AKT2: variants seen among roughly 807,000 people sequenced by gnomAD.
The protein encoded by AKT2 is RAC-beta serine/threonine-protein kinase.
Under a neutral mutation model 58.6 loss-of-function variants are expected in AKT2, and 16 were observed. The ratio of observed to expected loss-of-function variants is 0.27; its 90% CI spans 0.18 to 0.41. The LOEUF is 0.41. Ranked by LOEUF, AKT2 falls within the 10% of genes least tolerant of loss-of-function variation. The probability of loss-of-function intolerance (pLI) is 1.00; values close to 1 mark genes in which losing one functional copy is unlikely to be tolerated. For synonymous variants in AKT2, 253 were observed against 254.0 expected (o/e 1.00, Z 0.04); for missense variants, 438 against 661.0 (o/e 0.66, Z 3.70).
At position 40,238,850 on chromosome 19, in the gene AKT2, C is replaced by T. The variant is rs1233931778; in HGVS notation, c.708+55G>A. 3.2e-6 allele frequency: 5 copies of T among 1,573,668 alleles called. No individual in the cohort carries two copies. Among genetic ancestry groups the T allele is most frequent in the East Asian group, 2.2e-5 (1 of 44,662 alleles). On this transcript the variant is annotated intron_variant, in intron 8 of 13. Coordinates refer to ENST00000392038, the MANE Select transcript of AKT2 (RefSeq NM_001626.6). This position sits in a 1 kb window ranked among gnomAD's most constrained non-coding sequence, Gnocchi z 5.1. ...TCACCCACAGCTCCTCTCCATCCCG[C>T]CCCACCCTAAAGAAGGAGGCCCCAG...
rs748020683 is a variant in AKT2 at position 40,233,993 on chromosome 19, G to A, written c.1367-42C>T. The A allele has an allele frequency of 2.5e-6, 4 of 1,595,368 alleles. No homozygotes were observed. Among genetic ancestry groups the A allele is most frequent in the Non-Finnish European group, 3.4e-6 (4 of 1,172,870 alleles). ...TGGATGGGGAGGACCAGTCAGGAGA[G>A]GGCCTGGGACACCTGCCCAGACTCC... On this transcript the variant is annotated intron_variant, in intron 13 of 13. Coordinates refer to ENST00000392038, the MANE Select transcript of AKT2 (RefSeq NM_001626.6). The surrounding 1 kb of genome is among the most constrained non-coding windows in gnomAD (Gnocchi z 4.3).
intron 4 of AKT2, among the ~76,000 whole-genome samples, chr19:40,244,772 A>G (rs1974644320): frequency 6.6e-6 from 1 of 152,214 alleles, no homozygotes; most frequent in Admixed American, 6.5e-5. Flanking sequence ...CCCCAGGGCA[A>G]GTGTCACTGC....
At chr19:40,261,357 AC>A (rs1975934431) in intron 2 of AKT2, among the ~76,000 whole-genome samples, 1 of 151,976 alleles carries the variant, frequency 6.6e-6, no homozygotes, top group East Asian at 1.9e-4. Context: ...ACATGGTGAA[AC>A]CCCATCTCTA....
intron 1 of AKT2, chr19:40,269,547 A>C (rs1391280345): frequency 1.3e-5 from 2 of 152,196 alleles, no homozygotes; most frequent in African/African-American, 2.4e-5. Flanking sequence ...AAAACTGTTA[A>C]GCAGTCAAAA....
At position 40,268,260 on chromosome 19, in the gene AKT2, C is replaced by A. The variant is rs537525529; in HGVS notation, c.-84-2909G>T. The stretch of plus-strand genomic sequence containing the variant: ...CATCTCCCCTCTCGCTGGCCCACAG[C>A]GGCCCAGGGACATCGCCTCTCAGGG... On this transcript the variant is annotated intron_variant, in intron 1 of 13. Coordinates refer to ENST00000392038, the MANE Select transcript of AKT2 (RefSeq NM_001626.6). 2.0e-5 allele frequency among the ~76,000 whole-genome samples: 3 copies of A among 152,350 alleles called. No individual in the cohort carries two copies. In the South Asian group the frequency reaches 6.2e-4, roughly 32 times the overall value.
intron 2 of AKT2, among the ~76,000 whole-genome samples, chr19:40,264,123 G>A (rs145580776): frequency 2.0e-5 from 3 of 152,256 alleles, no homozygotes; most frequent in African/African-American, 4.8e-5. Flanking sequence ...CTAGAACAGC[G>A]CCTGGCCCAC....
At chr19:40,275,553 G>A (rs973968559) in intron 1 of AKT2, 1 of 351,928 alleles carries the variant, frequency 2.8e-6, no homozygotes, top group South Asian at 2.1e-5. Context: ...CAGCGAGTAG[G>A]TGCAGGAGAG....
chr19:40,283,248 C>T (rs2077455429), intron 1 of AKT2: 1 of 152,282 alleles, frequency 6.6e-6, no homozygotes, highest in South Asian at 2.1e-4. Context: ...GCAAGTTTAT[C>T]TATATGAAGC....
intron 6 of AKT2, 36 bp downstream of exon 6, chr19:40,241,900 CCA>C (rs772130132): frequency 6.2e-7 from 1 of 1,613,336 alleles, no homozygotes; most frequent in South Asian, 1.1e-5. Context: ...ACCGCAGCCC[CCA>C]CAGAGGCTCG....
chr19:40,271,933 C>G (rs995988672), intron 1 of AKT2, among the ~76,000 whole-genome samples: 1 of 152,194 alleles, frequency 6.6e-6, no homozygotes, highest in East Asian at 1.9e-4. Context: ...GTATGTACTG[C>G]TGAAATAGGG....
chr19:40,265,578 C>T (rs1352654286), intron 1 of AKT2: 7 of 535,186 alleles, frequency 1.3e-5, no homozygotes, highest in Admixed American at 3.3e-5. Context: ...CCGGCCTAAG[C>T]GCAGGCCAGA....
At position 40,230,454 on chromosome 19, in the gene AKT2, T is replaced by TC. The variant is rs1156448928; in HGVS notation, c.*3417dup. On this transcript the variant is annotated 3_prime_UTR_variant, in exon 14 of 14. Coordinates refer to ENST00000392038, the MANE Select transcript of AKT2 (RefSeq NM_001626.6). ...CAGGAAGCAGCTGGAAAGCCTGAGT[T>TC]CCCCCCATGCAGCAGCTAAAAGGGA... is the stretch of plus-strand genomic sequence containing the variant. 1 of 225,948 alleles carries TC rather than the reference T, an allele frequency of 4.4e-6. No individual in the cohort carries two copies. The highest frequency in any genetic ancestry group is 8.8e-6 in the Non-Finnish European group (1 of 113,720). 14.0% of individuals were successfully genotyped at this position (225,948 alleles called of 1,614,324 possible).
In AKT2 at chr19:40,238,166, C is replaced by A. The variant is rs767240171; in HGVS notation, c.709-75G>T. ...CTGCCCTCACCTTCCCAGCCCCCTG[C>A]CCCAGCGCAGTGATGTGGTGACACC... On this transcript the variant is annotated intron_variant, in intron 8 of 13. Transcript: ENST00000392038. This position sits in a 1 kb window ranked among gnomAD's most constrained non-coding sequence, Gnocchi z 5.1. The A allele has an allele frequency of 9.8e-6, 15 of 1,535,964 alleles. No individual in the cohort carries two copies. The highest frequency in any genetic ancestry group is 1.2e-5 in the Non-Finnish European group (14 of 1,138,292).
chr19:40,255,309 T>A, intron 3 of AKT2, 40 bp from the exon 4 acceptor site: 1 of 1,529,538 alleles, frequency 6.5e-7, no homozygotes, highest in Non-Finnish European at 9.1e-7. Flanking sequence ...GCTGAGGGGA[T>A]AGCCCTGCTA....
intron 1 of AKT2, among the ~76,000 whole-genome samples, chr19:40,268,162 A>G (rs1431568174): frequency 6.6e-6 from 1 of 152,132 alleles, no homozygotes; most frequent in East Asian, 1.9e-4. Flanking sequence ...TACTTCCCAA[A>G]TGGCTGGGAG....
chr19:40,255,833 T>C (rs1349915483), intron 3 of AKT2, among the ~76,000 whole-genome samples: 3 of 152,016 alleles, frequency 2.0e-5, no homozygotes, highest in Non-Finnish European at 4.4e-5. Context: ...AGGCTTTAGA[T>C]AGGGAAGAGA....
rs1056204374 is a variant in AKT2 at position 40,232,411 on chromosome 19, T to C, written c.*1461A>G. 4 of 233,514 alleles carry C rather than the reference T, an allele frequency of 1.7e-5. No homozygotes were observed. Among genetic ancestry groups the C allele is most frequent in the Non-Finnish European group, 3.4e-5 (4 of 118,166 alleles). The allele number at this position is 233,514 out of a possible 1,614,324, so 14.5% of individuals were successfully genotyped here. A position where few individuals can be genotyped will look rare whatever the true frequency, so the allele number is the denominator to read the frequency against. On this transcript the variant is annotated 3_prime_UTR_variant, in exon 14 of 14. Transcript: ENST00000392038. Reference sequence around the variant, plus strand: ...AAAGGCCAGTAGGGACGGAGAACTGTCAGATAACAACATCGCACACAGAGG... The same window carrying C: ...AAAGGCCAGTAGGGACGGAGAACTGCCAGATAACAACATCGCACACAGAGG...
In AKT2 at chr19:40,238,224, G is replaced by A. The variant is rs371310304; in HGVS notation, c.709-133C>T. ...TGAACCAGCAAGTGACAGCTAGAGG[G>A]ACCAATCAAGGCAGAGCGCAGAAGC... On this transcript the variant is annotated intron_variant, in intron 8 of 13. Coordinates refer to ENST00000392038, the MANE Select transcript of AKT2 (RefSeq NM_001626.6). This position sits in a 1 kb window ranked among gnomAD's most constrained non-coding sequence, Gnocchi z 5.1. 1 of 1,244,896 alleles carries A rather than the reference G, an allele frequency of 8.0e-7. No individual in the cohort carries two copies. Among genetic ancestry groups the A allele is most frequent in the Non-Finnish European group, 1.1e-6 (1 of 891,244 alleles). The allele number at this position is 1,244,896 out of a possible 1,614,324, so 77.1% of individuals were successfully genotyped here. A position where few individuals can be genotyped will look rare whatever the true frequency, so the allele number is the denominator to read the frequency against.
intron 1 of AKT2, among the ~76,000 whole-genome samples, chr19:40,273,930 C>A (rs2077264112): frequency 6.6e-6 from 1 of 152,174 alleles, no homozygotes; most frequent in South Asian, 2.1e-4. Flanking sequence ...CTGCCTTGGC[C>A]CCGCCTGCTC....
Sources: allele counts gnomAD v4.1 joint callset (sites outside exome capture counted in the v4.1 genomes callset), GRCh38; gene constraint gnomAD v4.1.1; non-coding constraint Gnocchi (gnomAD v3.1); transcripts MANE v1.5; gene names NCBI Gene and HGNC (gene_info 2026-07-23, HGNC 2026-07-21).